COL25A1: variants seen among roughly 807,000 people sequenced by gnomAD.
COL25A1 encodes collagen type XXV alpha 1 chain.
In COL25A1, 103 loss-of-function variants were observed where a neutral mutation model predicts 128.4. The observed-to-expected ratio is 0.80, with a 90% CI of 0.68 to 0.94. The LOEUF (loss-of-function observed/expected upper bound fraction) is 0.94, where lower values mean the gene tolerates loss of function less well. Ranked by LOEUF, COL25A1 falls within the 40% of genes least tolerant of loss-of-function variation. COL25A1 has a pLI of 0.00. For synonymous variants in COL25A1, 279 were observed against 277.2 expected (o/e 1.01, Z -0.06); for missense variants, 745 against 840.0 (o/e 0.89, Z 1.40).
At chr4:108,924,616 G>A (rs1309470652) in intron 11 of COL25A1, among the ~76,000 whole-genome samples, 1 of 152,060 alleles carries the variant, frequency 6.6e-6, no homozygotes, top group East Asian at 1.9e-4. Context: ...CCCATTTCTT[G>A]CTCCCTTAGC....
At chr4:109,183,890 T>C (rs532196705) in intron 3 of COL25A1, among the ~76,000 whole-genome samples, 30 of 146,822 alleles carry the variant, frequency 2.0e-4, no homozygotes, top group South Asian at 4.3e-4. Context: ...ATGAAGCCCA[T>C]ATTACTTATA....
intron 5 of COL25A1, among the ~76,000 whole-genome samples, chr4:109,040,377 C>T (rs1306347489): frequency 1.3e-5 from 2 of 152,188 alleles, no homozygotes; most frequent in Non-Finnish European, 2.9e-5. Context: ...AGAATGGGAA[C>T]ATTGAGCCCT....
chr4:108,981,509 T>C (rs559362877), intron 6 of COL25A1, among the ~76,000 whole-genome samples: 4 of 152,352 alleles, frequency 2.6e-5, no homozygotes, highest in Admixed American at 6.5e-5. Context: ...TGGATACTTG[T>C]GTTTAATATC....
At chr4:109,095,340 A>T (rs1411379059) in intron 3 of COL25A1, among the ~76,000 whole-genome samples, 1 of 152,242 alleles carries the variant, frequency 6.6e-6, no homozygotes, top group Non-Finnish European at 1.5e-5. Context: ...AAAGTAGATG[A>T]TAAATGTAAT....
chr4:109,196,469 T>C (rs1297292605), intron 3 of COL25A1, among the ~76,000 whole-genome samples: 3 of 152,208 alleles, frequency 2.0e-5, no homozygotes, highest in Non-Finnish European at 4.4e-5. Flanking sequence ...AGAGAGTATA[T>C]GTTAGATGCA....
intron 3 of COL25A1, among the ~76,000 whole-genome samples, chr4:109,140,379 T>G (rs532154957): frequency 3.9e-4 from 59 of 152,338 alleles, no homozygotes; most frequent in African/African-American, 1.4e-3. Flanking sequence ...CCTCCAGCTT[T>G]GTTCTTTTGG....
chr4:109,119,648 A>T (rs936146198), intron 3 of COL25A1, among the ~76,000 whole-genome samples: 1 of 151,998 alleles, frequency 6.6e-6, no homozygotes, highest in African/African-American at 2.4e-5. Flanking sequence ...AATAATTAAC[A>T]CTCTTCCAAA....
At chr4:109,152,740 T>A (rs1039917074) in intron 3 of COL25A1, among the ~76,000 whole-genome samples, 14 of 152,102 alleles carry the variant, frequency 9.2e-5, no homozygotes, top group African/African-American at 3.4e-4. Context: ...CTTAAAGACA[T>A]ACGGCTAAGT....
Position 109,301,837 on chromosome 4 carries a change from C to A in COL25A1, c.183G>T (p.Ala61=), listed in dbSNP as rs1426950510. 6.2e-7 allele frequency: 1 copy of A among 1,614,132 alleles called. No individual in the cohort carries two copies. The highest frequency in any genetic ancestry group is 1.7e-5 in the Admixed American group (1 of 60,006). Residue 61 remains alanine, a synonymous_variant, in exon 2 of 38, where the codon GCG becomes GCT. Coordinates refer to ENST00000399132, the MANE Select transcript of COL25A1 (RefSeq NM_198721.4). The part of the protein sequence containing the change: ...YLGVKTNDLQ[A]RIAALESAKG... ...TGGCGGATTCGAGAGCGGCGATCCT[C>A]GCCTGGAGGTCGTTGGTTTTCACAC...
At chr4:109,079,567 G>A (rs1763658929) in intron 3 of COL25A1, among the ~76,000 whole-genome samples, 1 of 152,008 alleles carries the variant, frequency 6.6e-6, no homozygotes, top group Non-Finnish European at 1.5e-5. Context: ...CCTATAATAA[G>A]AGCTAGAATA....
chr4:109,235,533 C>A (rs1172818612), intron 3 of COL25A1, among the ~76,000 whole-genome samples: 1 of 126,800 alleles, frequency 7.9e-6, no homozygotes, highest in Non-Finnish European at 1.6e-5. Context: ...AACAAACATA[C>A]ACCCACACAC....
intron 18 of COL25A1, 139 bp from the exon 19 acceptor site, chr4:108,884,361 T>C: frequency 1.4e-6 from 1 of 738,778 alleles, no homozygotes; most frequent in Non-Finnish European, 2.2e-6. Context: ...AAAACTTTGA[T>C]GAGATTATGC....
At position 108,808,811 on chromosome 4, in the gene COL25A1, A is replaced by G. The variant is rs1039787071; in HGVS notation, c.*5116T>C. ...ATTGTAATAATTACACACTTTTTAC[A>G]TTATGAAAATAAGTCATAAATAGTG... is the stretch of plus-strand genomic sequence containing the variant. On this transcript the variant is annotated 3_prime_UTR_variant, in exon 38 of 38. Coordinates refer to ENST00000399132, the MANE Select transcript of COL25A1 (RefSeq NM_198721.4). 1 of 152,194 alleles carries G rather than the reference A, an allele frequency of 6.6e-6. No homozygotes were observed. The highest frequency in any genetic ancestry group is 1.5e-5 in the Non-Finnish European group (1 of 68,030). 9.4% of individuals were successfully genotyped at this position (152,194 alleles called of 1,614,324 possible).
chr4:108,822,279 A>C (rs2125711188), intron 35 of COL25A1, among the ~76,000 whole-genome samples: 1 of 149,748 alleles, frequency 6.7e-6, no homozygotes, highest in Middle Eastern at 3.4e-3. Context: ...CCTGACCTCA[A>C]GTGATCCACC....
At chr4:109,154,185 T>A (rs1771814083) in intron 3 of COL25A1, among the ~76,000 whole-genome samples, 1 of 152,166 alleles carries the variant, frequency 6.6e-6, no homozygotes, top group South Asian at 2.1e-4. Context: ...ATATATTTTA[T>A]GACTTTCATC....
intron 5 of COL25A1, among the ~76,000 whole-genome samples, chr4:109,030,930 A>G (rs938802587): frequency 6.6e-6 from 1 of 151,944 alleles, no homozygotes; most frequent in Admixed American, 6.6e-5. Context: ...TTGTAGAGAC[A>G]GAGTTTCGCC....
intron 18 of COL25A1, among the ~76,000 whole-genome samples, chr4:108,885,920 T>C (rs556391965): frequency 1.2e-4 from 18 of 152,262 alleles, no homozygotes; most frequent in African/African-American, 4.3e-4. Context: ...AATGAAAGGA[T>C]TGAATGATTA....
intron 6 of COL25A1, among the ~76,000 whole-genome samples, chr4:108,975,631 C>T (rs990120229): frequency 2.6e-5 from 4 of 152,088 alleles, no homozygotes; most frequent in East Asian, 1.9e-4. Context: ...GCCCCATCAG[C>T]GATGTATAGA....
Position 108,809,001 on chromosome 4 carries a change from T to C in COL25A1, c.*4926A>G, listed in dbSNP as rs536454712. 6.6e-6 allele frequency: 1 copy of C among 152,242 alleles called. No homozygotes were observed. Among genetic ancestry groups the C allele is most frequent in the African/African-American group, 2.4e-5 (1 of 41,554 alleles). The allele number at this position is 152,242 out of a possible 1,614,324, so 9.4% of individuals were successfully genotyped here. ...ATACAGTAATGTCAGCTGGAGAAAT[T>C]ACAAGGAAATTAAAATAAAAATTGA... On this transcript the variant is annotated 3_prime_UTR_variant, in exon 38 of 38. Coordinates refer to ENST00000399132, the MANE Select transcript of COL25A1 (RefSeq NM_198721.4).
Sources: gnomAD v4.1 joint callset for allele counts (sites outside exome capture counted in the v4.1 genomes callset) on GRCh38, gnomAD v4.1.1 for gene constraint, MANE v1.5 for transcripts, NCBI Gene and HGNC (gene_info 2026-07-23, HGNC 2026-07-21) for gene names.